Variants in IPO11 observed in about 807,000 individuals in gnomAD.
The protein encoded by IPO11 is importin-11.
A neutral mutation model predicts 143.2 loss-of-function variants in IPO11; 66 were observed. That is an observed-to-expected ratio of 0.46 (90% CI 0.38 to 0.57). The LOEUF (loss-of-function observed/expected upper bound fraction) is 0.57. IPO11 is among the 20% of genes least tolerant of loss of function. The pLI is 0.00. For missense variants in IPO11, 1,026 were observed against 1,141.0 expected, an observed-to-expected ratio of 0.90 and a Z score of 1.45; for synonymous variants, 385 against 377.8, an observed-to-expected ratio of 1.02 and a Z score of -0.22.
At chr5:62,522,152 G>C (rs1742221249) in intron 20 of IPO11, among the ~76,000 whole-genome samples, 1 of 152,158 alleles carries the variant, frequency 6.6e-6, no homozygotes. Context: ...AAAGGAAGAA[G>C]AGTGTGATGA....
intron 24 of IPO11, among the ~76,000 whole-genome samples, chr5:62,550,077 A>T (rs1315085125): frequency 1.3e-5 from 2 of 152,192 alleles, no homozygotes; most frequent in Non-Finnish European, 2.9e-5. Context: ...AAGGGTAAGA[A>T]TTACATTAAC....
At chr5:62,459,189 G>C (rs1457166361) in intron 5 of IPO11, among the ~76,000 whole-genome samples, 2 of 152,026 alleles carry the variant, frequency 1.3e-5, no homozygotes, top group African/African-American at 4.8e-5. Flanking sequence ...GCGTAAGGCT[G>C]TTGCTAGGAT....
intron 5 of IPO11, among the ~76,000 whole-genome samples, chr5:62,463,964 C>T (rs566698057): frequency 6.6e-6 from 1 of 151,752 alleles, no homozygotes; most frequent in East Asian, 2.0e-4. Context: ...GCTGGGATTA[C>T]AGGCACGTGC....
intron 3 of IPO11, among the ~76,000 whole-genome samples, chr5:62,445,544 A>G (rs1251664005): frequency 2.0e-5 from 3 of 152,102 alleles, no homozygotes; most frequent in African/African-American, 4.8e-5. Flanking sequence ...TGTATTCAGT[A>G]GAAACTGTAC....
At position 62,577,376 on chromosome 5, in the gene IPO11, T is replaced by G. The variant is rs958381324; in HGVS notation, c.2583-14201T>G. ...GTGTTCTTTACTGCTTTGGATATTT[T>G]TGGCATAAAGAACAAAATTAATTCA... is the stretch of plus-strand genomic sequence containing the variant. On this transcript the variant is annotated intron_variant, in intron 27 of 29. Transcript: ENST00000325324. 2.6e-5 allele frequency among the ~76,000 whole-genome samples: 4 copies of G among 152,318 alleles called. No homozygotes were observed. The East Asian group carries it at 7.7e-4, about 29-fold the overall frequency.
intron 1 of IPO11, among the ~76,000 whole-genome samples, chr5:62,430,419 C>T (rs1743939881): frequency 6.6e-6 from 1 of 152,174 alleles, no homozygotes; most frequent in Non-Finnish European, 1.5e-5. Context: ...CTCCAGGGCT[C>T]AAGCAGTCCT....
intron 27 of IPO11, chr5:62,579,740 C>G (rs964999833): frequency 6.5e-7 from 1 of 1,547,552 alleles, no homozygotes. Flanking sequence ...TATGTATATC[C>G]AAAAGCCTTT....
chr5:62,429,630 G>A (rs1188998254), intron 1 of IPO11, among the ~76,000 whole-genome samples: 1 of 148,050 alleles, frequency 6.8e-6, no homozygotes, highest in Non-Finnish European at 1.5e-5. Flanking sequence ...GTGTGTGTAT[G>A]TGTTTATTTT....
At position 62,441,161 on chromosome 5, in the gene IPO11, A is replaced by C. The variant is rs116609231; in HGVS notation, c.139-1822A>C. Among the ~76,000 whole-genome samples the C allele has an allele frequency of 3.5e-3, 540 of 152,222 alleles. 4 individuals are homozygous for C. Among genetic ancestry groups the C allele is most frequent in the African/African-American group, 0.013 (527 of 41,532 alleles). On this transcript the variant is annotated intron_variant, in intron 2 of 29. Transcript: ENST00000325324. ...TGCATACTTTTTTTGAGTAATGGTT[A>C]ATGTTGAGTTGAGATTATTCACATC... is the stretch of plus-strand genomic sequence containing the variant.
At chr5:62,533,460 CT>C (rs1554053916) in intron 22 of IPO11, among the ~76,000 whole-genome samples, 2 of 152,118 alleles carry the variant, frequency 1.3e-5, no homozygotes, top group Non-Finnish European at 2.9e-5. Context: ...GATCCACCCA[CT>C]TTGGCCTCTC....
At chr5:62,570,022 G>C (rs1242364263) in intron 27 of IPO11, among the ~76,000 whole-genome samples, 4 of 152,092 alleles carry the variant, frequency 2.6e-5, no homozygotes, top group Non-Finnish European at 5.9e-5. Context: ...TTGGGGACTG[G>C]TTTTCCAGCA....
intron 1 of IPO11, chr5:62,413,461 C>G (rs26612): frequency 0.19 from 28,256 of 152,140 alleles, 3,374 homozygotes; most frequent in Middle Eastern, 0.27. Context: ...CGCCAATTCT[C>G]AAGCTCAGCG....
At chr5:62,565,809 G>A (rs1743918953) in intron 27 of IPO11, among the ~76,000 whole-genome samples, 1 of 149,952 alleles carries the variant, frequency 6.7e-6, no homozygotes, top group Non-Finnish European at 1.5e-5. Flanking sequence ...GCCCTGGTGT[G>A]TGTTGCTCCC....
At chr5:62,418,266 A>G (rs562472772) in intron 1 of IPO11, among the ~76,000 whole-genome samples, 67 of 152,094 alleles carry the variant, frequency 4.4e-4, no homozygotes, top group Middle Eastern at 3.4e-3. Flanking sequence ...TCTGGGTTCA[A>G]GTGATTCTTC....
chr5:62,585,152 C>CT (rs2112415012), intron 27 of IPO11, among the ~76,000 whole-genome samples: 1 of 152,174 alleles, frequency 6.6e-6, no homozygotes, highest in African/African-American at 2.4e-5. Flanking sequence ...AACCTTATTG[C>CT]TTTTTTCCAT....
intron 26 of IPO11, among the ~76,000 whole-genome samples, chr5:62,559,525 T>G (rs10060589): frequency 0.58 from 88,729 of 151,944 alleles, 26,182 homozygotes; most frequent in South Asian, 0.68. Context: ...ATTTTAGCAG[T>G]GTTCACAGCA....
At chr5:62,544,811 A>ACAGT (rs1334884975) in intron 24 of IPO11, among the ~76,000 whole-genome samples, 1 of 152,110 alleles carries the variant, frequency 6.6e-6, no homozygotes, top group Non-Finnish European at 1.5e-5. Context: ...CCAATAACAG[A>ACAGT]CAGAGAGCCA....
Position 62,515,515 on chromosome 5 carries a change from CCA to C in IPO11, c.1896+17_1896+18del. ...CATCTTGTTCAGGTAAGTCACTTCT[CCA>C]CAGAGTTTTTTTAGTTTAGTGGTTT... On this transcript the variant is annotated intron_variant, in intron 20 of 29. Transcript: ENST00000325324. 1 of 1,527,584 alleles carries C rather than the reference CCA, an allele frequency of 6.5e-7. No homozygotes were observed. 94.6% of individuals were successfully genotyped at this position (1,527,584 alleles called of 1,614,324 possible).
chr5:62,420,827 C>T (rs1373563662), intron 1 of IPO11, among the ~76,000 whole-genome samples: 1 of 152,108 alleles, frequency 6.6e-6, no homozygotes, highest in Non-Finnish European at 1.5e-5. Context: ...AGTGATCCAC[C>T]CGCCTCAGCC....
Sources: gnomAD v4.1 joint callset for allele counts (sites outside exome capture counted in the v4.1 genomes callset) on GRCh38, gnomAD v4.1.1 for gene constraint, MANE v1.5 for transcripts, NCBI Gene and HGNC (gene_info 2026-07-23, HGNC 2026-07-21) for gene names.